MYO1H: variants seen among roughly 807,000 people sequenced by gnomAD.
MYO1H encodes myosin IH.
Under a neutral mutation model 149.3 loss-of-function variants are expected in MYO1H, and 118 were observed. The ratio of observed to expected loss-of-function variants is 0.79; its 90% CI spans 0.68 to 0.92. The LOEUF (loss-of-function observed/expected upper bound fraction) is 0.92, where lower values mean the gene tolerates loss of function less well. Among genes scored for constraint, MYO1H ranks in the 40% least tolerant of loss-of-function variants. MYO1H has a pLI of 0.00. For missense variants in MYO1H, 1,212 were observed against 1,280.7 expected (o/e 0.95, Z 0.82); for synonymous variants, 447 against 465.2 (o/e 0.96, Z 0.50).
the MYO1H span, among the ~76,000 whole-genome samples, chr12:109,325,851 A>G: frequency 1.3e-5 from 2 of 152,228 alleles, no homozygotes; most frequent in Non-Finnish European, 2.9e-5. Flanking sequence ...GAGAAATGCA[A>G]ATCAAAACCA....
At chr12:109,428,804 C>A (rs888740399) in intron 19 of MYO1H, among the ~76,000 whole-genome samples, 1 of 126,122 alleles carries the variant, frequency 7.9e-6, no homozygotes, top group African/African-American at 2.8e-5. Flanking sequence ...ACCTCACCCC[C>A]CTCCAAACAT....
chr12:109,346,932 A>G (rs960463006), upstream of MYO1H, among the ~76,000 whole-genome samples: 2 of 152,170 alleles, frequency 1.3e-5, no homozygotes, highest in Admixed American at 6.5e-5. Context: ...AAAAAAGTCA[A>G]TTGATCAAAA....
chr12:109,373,866 A>C (rs1289689930), intron 1 of MYO1H, among the ~76,000 whole-genome samples: 2 of 152,166 alleles, frequency 1.3e-5, no homozygotes, highest in Non-Finnish European at 2.9e-5. Flanking sequence ...ACATACCTGT[A>C]ATCCCAGCTA....
At chr12:109,432,944 C>T in exon 20 of MYO1H, 1 of 1,614,012 alleles carries the variant, frequency 6.2e-7, no homozygotes, top group South Asian at 1.1e-5. Flanking sequence ...CACGGGCCTC[C>T]AGCAGAGGGC....
chr12:109,382,876 G>T (rs1047394745), intron 1 of MYO1H, among the ~76,000 whole-genome samples: 2 of 144,750 alleles, frequency 1.4e-5, no homozygotes, highest in African/African-American at 2.5e-5. Context: ...TTAAAAATAT[G>T]AATTAAAATA....
At chr12:109,440,077 C>T (rs543995928) in intron 24 of MYO1H, among the ~76,000 whole-genome samples, 13 of 151,754 alleles carry the variant, frequency 8.6e-5, no homozygotes, top group Admixed American at 6.6e-5. Flanking sequence ...CTCTGTCACC[C>T]AGGCTAGAGT....
intron 1 of MYO1H, among the ~76,000 whole-genome samples, chr12:109,375,835 A>G (rs535128702): frequency 6.6e-6 from 1 of 152,212 alleles, no homozygotes; most frequent in East Asian, 1.9e-4. Flanking sequence ...AAAAATTAGC[A>G]GGGTGTGGTG....
At chr12:109,436,413 A>T in intron 21 of MYO1H, 75 bp from the exon 22 acceptor site, 2 of 1,063,112 alleles carry the variant, frequency 1.9e-6, no homozygotes, top group Non-Finnish European at 2.8e-6. Context: ...CGGCCCCCAA[A>T]CACCCCTGGA....
exon 32 of MYO1H, chr12:109,447,306 T>A: frequency 1.1e-6 from 1 of 869,808 alleles, no homozygotes; most frequent in South Asian, 1.4e-5. Context: ...CACTAACAGA[T>A]CACATCTGAA....
intron 14 of MYO1H, among the ~76,000 whole-genome samples, chr12:109,414,994 G>C (rs759061492): frequency 6.6e-6 from 1 of 152,072 alleles, no homozygotes; most frequent in African/African-American, 2.4e-5. Flanking sequence ...TTATAGGTGT[G>C]AGCCACCATG....
At chr12:109,425,654 C>G (rs1871326395) in intron 17 of MYO1H, among the ~76,000 whole-genome samples, 1 of 152,114 alleles carries the variant, frequency 6.6e-6, no homozygotes, top group South Asian at 2.1e-4. Context: ...GAATGACAGG[C>G]CTGGGGCAGA....
chr12:109,433,120 G>A (rs917053824), intron 20 of MYO1H, 110 bp downstream of exon 20: 4 of 825,512 alleles, frequency 4.8e-6, no homozygotes, highest in Non-Finnish European at 8.2e-6. Flanking sequence ...GGGATTTATG[G>A]AGATTTGCGA....
At chr12:109,431,413 A>T (rs7958625) in intron 19 of MYO1H, among the ~76,000 whole-genome samples, 49,964 of 151,934 alleles carry the variant, frequency 0.33, 8,375 homozygotes, top group Admixed American at 0.4. Context: ...AAATATAATA[A>T]GAAAGGAAGG....
chr12:109,355,339 C>A (rs765347746), intron 1 of MYO1H, among the ~76,000 whole-genome samples: 13 of 152,152 alleles, frequency 8.5e-5, no homozygotes, highest in Non-Finnish European at 1.8e-4. Context: ...GCGACTGGGT[C>A]ATATTCACAC....
At chr12:109,420,406 C>T (rs1871123773) in intron 15 of MYO1H, among the ~76,000 whole-genome samples, 1 of 152,126 alleles carries the variant, frequency 6.6e-6, no homozygotes. Flanking sequence ...GTTTAATTAA[C>T]TCAAAGTTCA....
At chr12:109,427,851 C>T (rs1400835412) in intron 19 of MYO1H, among the ~76,000 whole-genome samples, 7 of 114,112 alleles carry the variant, frequency 6.1e-5, no homozygotes, top group Admixed American at 1.0e-4. Flanking sequence ...TCGAGACCGT[C>T]CTGGGCAACA....
chr12:109,345,878 T>C (rs1041013362), upstream of MYO1H, among the ~76,000 whole-genome samples: 2 of 152,308 alleles, frequency 1.3e-5, no homozygotes, highest in East Asian at 1.9e-4. Context: ...ACTGTGTTCA[T>C]ATGAAATGTC....
rs1566023534 is a variant in MYO1H, at chr12:109,388,675, T to C, written c.13-8T>C. 6.5e-7 allele frequency: 1 copy of C among 1,547,968 alleles called. No homozygotes were observed. The highest frequency in any genetic ancestry group is 2.3e-5 in the East Asian group (1 of 44,124). ...ATGAGCTGCTGAAGAATGTTCTATT[T>C]CCCGTAGAAAGAAGACGTGAGGAGG... On this transcript the variant is annotated splice_polypyrimidine_tract_variant and splice_region_variant and intron_variant, in intron 1 of 31. Coordinates refer to ENST00000310903, the Ensembl canonical transcript of MYO1H.
At chr12:109,330,146 G>T in the MYO1H span, among the ~76,000 whole-genome samples, 1 of 152,166 alleles carries the variant, frequency 6.6e-6, no homozygotes, top group Non-Finnish European at 1.5e-5. Context: ...ACCAGGTTAG[G>T]TGAGATGCTA....
Sources: gnomAD v4.1 joint callset for allele counts (sites outside exome capture counted in the v4.1 genomes callset) on GRCh38, gnomAD v4.1.1 for gene constraint, MANE v1.5 for transcripts, NCBI Gene and HGNC (gene_info 2026-07-23, HGNC 2026-07-21) for gene names.